SIM1: variants seen among roughly 807,000 people sequenced by gnomAD.
SIM1 encodes SIM bHLH transcription factor 1, also known as single-minded homolog 1.
In SIM1, 18 loss-of-function variants were observed where a neutral mutation model predicts 78.2. The ratio of observed to expected loss-of-function variants is 0.23; its 90% CI spans 0.16 to 0.34. SIM1 has a LOEUF of 0.34. Ranked by LOEUF, SIM1 falls within the 10% of genes least tolerant of loss-of-function variation. SIM1 has a pLI of 1.00. For synonymous variants in SIM1, 417 were observed against 385.2 expected, an observed-to-expected ratio of 1.08 and a Z score of -0.97; for missense variants, 939 against 975.1, an observed-to-expected ratio of 0.96 and a Z score of 0.49.
chr6:100,427,347 A>G (rs866401224), intron 9 of SIM1: 3 of 152,198 alleles, frequency 2.0e-5, no homozygotes, highest in Non-Finnish European at 4.4e-5. Flanking sequence ...TCTCCATTTG[A>G]TCTGGTGATT....
At chr6:100,423,877 C>A (rs1295995478) in intron 9 of SIM1, among the ~76,000 whole-genome samples, 2 of 152,130 alleles carry the variant, frequency 1.3e-5, no homozygotes, top group Non-Finnish European at 2.9e-5. Context: ...GGACAATAGT[C>A]CAGTAGACAT....
In SIM1 at chr6:100,391,239, A is replaced by G. The variant is rs542131080; in HGVS notation, c.1571-148T>C. 100 of 813,042 alleles carry G rather than the reference A, an allele frequency of 1.2e-4. No individual in the cohort carries two copies. In the African/African-American group the frequency reaches 1.6e-3, roughly 13 times the overall value. The allele number at this position is 813,042 out of a possible 1,614,324, so 50.4% of individuals were successfully genotyped here. On this transcript the variant is annotated intron_variant, in intron 11 of 11. Coordinates refer to ENST00000369208, the MANE Select transcript of SIM1 (RefSeq NM_005068.3). ...AAACAGGCTCACATGATGTGAGCAC[A>G]TGAGTGACACATGACACTCTATGTG...
At chr6:100,394,017 C>CA (rs1369454297) in intron 10 of SIM1, 128 bp from the exon 11 acceptor site, 2 of 906,256 alleles carry the variant, frequency 2.2e-6, no homozygotes, top group East Asian at 3.0e-5. Flanking sequence ...CTGAGGTCGT[C>CA]AAAATAACCG....
Position 100,450,361 on chromosome 6 carries a change from G to A in SIM1, c.259-5C>T. Reference sequence around the variant, plus strand: ...GAAGATGAAGCCATCCAGGGTCTGGGGAGGCACAAATAGAGAGAATAGAGA... The same window carrying A: ...GAAGATGAAGCCATCCAGGGTCTGGAGAGGCACAAATAGAGAGAATAGAGA... On this transcript the variant is annotated splice_region_variant and splice_polypyrimidine_tract_variant and intron_variant, in intron 3 of 11. Transcript: ENST00000369208. The A allele has an allele frequency of 6.2e-7, 1 of 1,613,710 alleles. No homozygotes were observed. Among genetic ancestry groups the A allele is most frequent in the African/African-American group, 1.3e-5 (1 of 75,050 alleles).
chr6:100,435,999 C>CACACACACACACAG, intron 9 of SIM1, among the ~76,000 whole-genome samples: 1 of 133,048 alleles, frequency 7.5e-6, no homozygotes, highest in Middle Eastern at 3.7e-3. Context: ...ACACATCACA[C>CACACACACACACAG]ACACACACAC....
chr6:100,443,651 C>A (rs1772274584), intron 9 of SIM1, among the ~76,000 whole-genome samples: 1 of 149,612 alleles, frequency 6.7e-6, no homozygotes. Context: ...TAGCTCTCAA[C>A]TATATTTTTG....
chr6:100,409,647 A>AT (rs900671953), intron 10 of SIM1, among the ~76,000 whole-genome samples: 3 of 151,866 alleles, frequency 2.0e-5, no homozygotes, highest in East Asian at 3.9e-4. Context: ...TGAAATCTTT[A>AT]TTTTTTTCTT....
chr6:100,398,160 CA>C (rs2114470425), intron 10 of SIM1, among the ~76,000 whole-genome samples: 1 of 152,164 alleles, frequency 6.6e-6, no homozygotes, highest in African/African-American at 2.4e-5. Context: ...AAATTTATCC[CA>C]GAGGAATAAA....
chr6:100,420,685 A>C (rs1771553710), intron 10 of SIM1, 105 bp downstream of exon 10: 1 of 1,116,734 alleles, frequency 9.0e-7, no homozygotes, highest in African/African-American at 1.6e-5. Flanking sequence ...AGTTTTAGTT[A>C]TTAAAACTAG....
At chr6:100,453,655 G>GT in intron 3 of SIM1, 107 bp downstream of exon 3, 1 of 841,784 alleles carries the variant, frequency 1.2e-6, no homozygotes, top group Non-Finnish European at 1.8e-6. Flanking sequence ...GGGGGGGGTT[G>GT]TTTGTTTTTT....
chr6:100,395,442 A>G (rs1267736636), intron 10 of SIM1, among the ~76,000 whole-genome samples: 1 of 152,206 alleles, frequency 6.6e-6, no homozygotes, highest in East Asian at 1.9e-4. Flanking sequence ...ACTTGAAACC[A>G]TGATTTTACA....
intron 10 of SIM1, among the ~76,000 whole-genome samples, chr6:100,407,255 C>T (rs1191098773): frequency 2.0e-5 from 3 of 152,102 alleles, no homozygotes; most frequent in African/African-American, 4.8e-5. Context: ...TGGCTTATTT[C>T]ACTTGGCAGG....
At chr6:100,403,034 G>A (rs142445121) in intron 10 of SIM1, among the ~76,000 whole-genome samples, 1 of 152,282 alleles carries the variant, frequency 6.6e-6, no homozygotes, top group East Asian at 1.9e-4. Context: ...AATTAAGAAA[G>A]TTCAGTAAAA....
At chr6:100,395,816 A>G (rs1200407882) in intron 10 of SIM1, among the ~76,000 whole-genome samples, 1 of 152,174 alleles carries the variant, frequency 6.6e-6, no homozygotes, top group Non-Finnish European at 1.5e-5. Flanking sequence ...GAGATGAACT[A>G]CACAGGTTCC....
intron 2 of SIM1, among the ~76,000 whole-genome samples, chr6:100,457,540 C>A (rs947733368): frequency 6.6e-6 from 1 of 152,254 alleles, no homozygotes; most frequent in African/African-American, 2.4e-5. Flanking sequence ...TGCACATCCT[C>A]GCTAAATGTG....
At chr6:100,458,208 A>C (rs1207044794) in intron 2 of SIM1, among the ~76,000 whole-genome samples, 1 of 152,088 alleles carries the variant, frequency 6.6e-6, no homozygotes, top group Non-Finnish European at 1.5e-5. Flanking sequence ...GCCAGACTAA[A>C]ACTGGGGGCG....
chr6:100,407,830 TTTTG>T (rs1007789598), intron 10 of SIM1, among the ~76,000 whole-genome samples: 1 of 152,118 alleles, frequency 6.6e-6, no homozygotes, highest in East Asian at 1.9e-4. Flanking sequence ...TGCTTTTCTC[TTTTG>T]TTTATTTTGC....
At chr6:100,431,226 C>T (rs1331615885) in intron 9 of SIM1, among the ~76,000 whole-genome samples, 1 of 152,160 alleles carries the variant, frequency 6.6e-6, no homozygotes, top group Admixed American at 6.5e-5. Context: ...TGTCCTATAA[C>T]ATTTATTCTT....
chr6:100,431,239 T>A, intron 9 of SIM1, among the ~76,000 whole-genome samples: 1 of 152,236 alleles, frequency 6.6e-6, no homozygotes, highest in Non-Finnish European at 1.5e-5. Context: ...TTATTCTTGA[T>A]TAAACCTCTT....
Sources: allele counts gnomAD v4.1 joint callset (sites outside exome capture counted in the v4.1 genomes callset), GRCh38; gene constraint gnomAD v4.1.1; transcripts MANE v1.5; gene names NCBI Gene and HGNC (gene_info 2026-07-23, HGNC 2026-07-21).